The following LIMA1 variants were observed in gnomAD, a reference collection of about 807,000 sequenced individuals.
The protein encoded by LIMA1 is LIM domain and actin-binding protein 1.
A neutral mutation model predicts 62.6 loss-of-function variants in LIMA1; 52 were observed. The observed-to-expected ratio is 0.83, with a 90% CI of 0.67 to 1.05. The LOEUF is 1.05. LIMA1 is among the 50% of genes least tolerant of loss of function. The probability of loss-of-function intolerance (pLI) is 0.00; values close to 1 mark genes in which losing one functional copy is unlikely to be tolerated. For synonymous variants in LIMA1, 302 were observed against 317.8 expected (o/e 0.95, Z 0.53); for missense variants, 780 against 902.2 (o/e 0.86, Z 1.74).
chr12:50,200,908 A>C, intron 6 of LIMA1, 24 bp from the exon 7 acceptor site: 1 of 1,608,958 alleles, frequency 6.2e-7, no homozygotes, highest in African/African-American at 1.3e-5. Flanking sequence ...ATAACTGTAA[A>C]AATTTTTTTA....
intron 1 of LIMA1, among the ~76,000 whole-genome samples, chr12:50,267,390 A>AT (rs1004987000): frequency 2.9e-4 from 42 of 146,148 alleles, no homozygotes; most frequent in Middle Eastern, 3.5e-3. Context: ...TAATTTTTGT[A>AT]TTTTTTTTTA....
chr12:50,228,894 A>G (rs1941569606), intron 3 of LIMA1, among the ~76,000 whole-genome samples: 1 of 152,068 alleles, frequency 6.6e-6, no homozygotes, highest in Non-Finnish European at 1.5e-5. Flanking sequence ...TTTATTTTTT[A>G]CTTTTTGTAA....
intron 4 of LIMA1, among the ~76,000 whole-genome samples, chr12:50,209,309 C>T (rs1314689343): frequency 6.6e-6 from 1 of 151,770 alleles, no homozygotes; most frequent in Non-Finnish European, 1.5e-5. Context: ...GTGGCTCACA[C>T]CTGTAATCCC....
chr12:50,193,622 A>C (rs1168848017), intron 8 of LIMA1, among the ~76,000 whole-genome samples: 9 of 130,754 alleles, frequency 6.9e-5, no homozygotes, highest in Non-Finnish European at 1.2e-4. Flanking sequence ...ATATATATAC[A>C]TATATATACG....
At chr12:50,219,327 A>G (rs1269598297) in intron 4 of LIMA1, among the ~76,000 whole-genome samples, 2 of 151,950 alleles carry the variant, frequency 1.3e-5, no homozygotes, top group Non-Finnish European at 2.9e-5. Flanking sequence ...TCTACTAAAC[A>G]TACAAAAATT....
At position 50,215,420 on chromosome 12, in the gene LIMA1, T is replaced by C. The variant is rs563854761; in HGVS notation, c.630+6601A>G. ...ATGAGTCAAAGGAAACTTCCTTTGT[T>C]ATTTTATATATGTCTATTTTACCTG... On this transcript the variant is annotated intron_variant, in intron 4 of 10. Transcript: ENST00000341247. Among the ~76,000 whole-genome samples, 12 of 152,274 alleles carry C rather than the reference T, an allele frequency of 7.9e-5. No individual in the cohort carries two copies. The South Asian group carries it at 2.5e-3, about 32-fold the overall frequency.
At chr12:50,214,665 G>C (rs1565843819) in intron 4 of LIMA1, among the ~76,000 whole-genome samples, 1 of 152,358 alleles carries the variant, frequency 6.6e-6, no homozygotes, top group South Asian at 2.1e-4. Flanking sequence ...AAATTAGCTG[G>C]TGTGGTGGCA....
chr12:50,245,045 C>T (rs1941828663), intron 2 of LIMA1, among the ~76,000 whole-genome samples: 1 of 152,136 alleles, frequency 6.6e-6, no homozygotes, highest in South Asian at 2.1e-4. Flanking sequence ...GAGAAGGATT[C>T]TGAGTGATAG....
chr12:50,183,289 C>A (rs1940547992), intron 9 of LIMA1, among the ~76,000 whole-genome samples: 1 of 152,008 alleles, frequency 6.6e-6, no homozygotes, highest in Non-Finnish European at 1.5e-5. Flanking sequence ...TGGGAGTTAA[C>A]CCTTGACTTG....
chr12:50,202,232 AGTATGTAT>A (rs1941065941), intron 6 of LIMA1: 1 of 152,340 alleles, frequency 6.6e-6, no homozygotes, highest in African/African-American at 2.4e-5. Flanking sequence ...GCTGCCAGAG[AGTATGTAT>A]GTGCCTTGTT....
chr12:50,193,666 A>ATTTT (rs1166489086), intron 8 of LIMA1, among the ~76,000 whole-genome samples: 10 of 60,008 alleles, frequency 1.7e-4, no homozygotes, highest in Admixed American at 1.9e-4. Context: ...ATATATATAT[A>ATTTT]TTTTTTTTTT....
At chr12:50,214,651 A>G (rs1941314093) in intron 4 of LIMA1, among the ~76,000 whole-genome samples, 1 of 152,258 alleles carries the variant, frequency 6.6e-6, no homozygotes, top group Admixed American at 6.5e-5. Context: ...TACTAAAAAC[A>G]CAAAAATTAG....
At chr12:50,185,571 T>G in intron 9 of LIMA1, 2 of 434,024 alleles carry the variant, frequency 4.6e-6, no homozygotes, top group South Asian at 3.2e-5. Flanking sequence ...ATTTTTCTTT[T>G]TTTCCTTTTT....
At chr12:50,225,270 A>C (rs1941509445) in intron 3 of LIMA1, among the ~76,000 whole-genome samples, 2 of 152,170 alleles carry the variant, frequency 1.3e-5, no homozygotes, top group Admixed American at 1.3e-4. Context: ...CAATTAAAAA[A>C]GTAATAACTT....
chr12:50,250,993 T>C (rs1941922808), intron 1 of LIMA1, among the ~76,000 whole-genome samples: 1 of 152,238 alleles, frequency 6.6e-6, no homozygotes, highest in Non-Finnish European at 1.5e-5. Context: ...ATAATCTTAA[T>C]TCTATACATG....
At chr12:50,197,585 C>T (rs1287043201) in intron 7 of LIMA1, among the ~76,000 whole-genome samples, 1 of 152,168 alleles carries the variant, frequency 6.6e-6, no homozygotes, top group Non-Finnish European at 1.5e-5. Context: ...TTCACAGTCG[C>T]ACTAATGTCC....
chr12:50,270,797 C>A (rs1381733396), intron 1 of LIMA1, among the ~76,000 whole-genome samples: 3 of 151,886 alleles, frequency 2.0e-5, no homozygotes, highest in Non-Finnish European at 4.4e-5. Flanking sequence ...AAAAGAGTAA[C>A]CCCAGTTACA....
chr12:50,243,132 A>G (rs1288454835), intron 2 of LIMA1, among the ~76,000 whole-genome samples: 1 of 152,246 alleles, frequency 6.6e-6, no homozygotes, highest in Non-Finnish European at 1.5e-5. Context: ...AGTCAGAGAA[A>G]TAAGCCTGCA....
intron 3 of LIMA1, among the ~76,000 whole-genome samples, chr12:50,229,132 T>C (rs1347545086): frequency 6.6e-6 from 1 of 152,212 alleles, no homozygotes; most frequent in Non-Finnish European, 1.5e-5. Flanking sequence ...ATACCTGGCC[T>C]AAATCATTAT....
Sources: gnomAD v4.1 joint callset for allele counts (sites outside exome capture counted in the v4.1 genomes callset) on GRCh38, gnomAD v4.1.1 for gene constraint, MANE v1.5 for transcripts, NCBI Gene and HGNC (gene_info 2026-07-23, HGNC 2026-07-21) for gene names.